SLC25A21: variants seen among roughly 807,000 people sequenced by gnomAD.
SLC25A21 encodes the protein mitochondrial 2-oxodicarboxylate carrier.
A neutral mutation model predicts 43.8 loss-of-function variants in SLC25A21; 47 were observed. The observed-to-expected ratio is 1.07, with a 90% CI of 0.85 to 1.37. The LOEUF is 1.37. Among genes scored for constraint, SLC25A21 ranks in the 40% most tolerant of loss-of-function variants. The probability of loss-of-function intolerance (pLI) is 0.00; values close to 1 mark genes in which losing one functional copy is unlikely to be tolerated. For synonymous variants in SLC25A21, 131 were observed against 121.3 expected, an observed-to-expected ratio of 1.08 and a Z score of -0.52; for missense variants, 352 against 350.2, an observed-to-expected ratio of 1.00 and a Z score of -0.04.
rs1891352621 is a variant in SLC25A21, at chr14:36,899,829, T to C, written c.71-24825A>G. ...AGATACTCTTAAAAGGGGATAATTGTGTTTTAAAATGGTGTTTTCTGGGGT... is the reference window on the plus strand; with the variant it reads ...AGATACTCTTAAAAGGGGATAATTGCGTTTTAAAATGGTGTTTTCTGGGGT... On this transcript the variant is annotated intron_variant, in intron 1 of 9. Transcript: ENST00000331299. Among the ~76,000 whole-genome samples, 4 of 152,210 alleles carry C rather than the reference T, an allele frequency of 2.6e-5. No individual in the cohort carries two copies. In the South Asian group the frequency reaches 8.3e-4, roughly 32 times the overall value.
At chr14:36,979,217 T>C (rs1425901280) in intron 1 of SLC25A21, among the ~76,000 whole-genome samples, 1 of 152,210 alleles carries the variant, frequency 6.6e-6, no homozygotes, top group Non-Finnish European at 1.5e-5. Context: ...ATGGGGTCTT[T>C]GCCTTGATAG....
Position 36,718,114 on chromosome 14 carries a change from T to C in SLC25A21, c.439-6632A>G, listed in dbSNP as rs149322133. Among the ~76,000 whole-genome samples, 1,035 of 152,260 alleles carry C rather than the reference T, an allele frequency of 6.8e-3. 17 individuals are homozygous for C. Among genetic ancestry groups the C allele is most frequent in the African/African-American group, 0.023 (976 of 41,560 alleles). ...GGCAACTTGCAGAGTGTCTGATATA[T>C]AGTAGATATTCTGTAAATGGTAGCT... On this transcript the variant is annotated intron_variant, in intron 6 of 9. Transcript: ENST00000331299.
intron 1 of SLC25A21, among the ~76,000 whole-genome samples, chr14:36,973,761 G>A (rs1959807643): frequency 6.6e-6 from 1 of 152,144 alleles, no homozygotes; most frequent in Non-Finnish European, 1.5e-5. Flanking sequence ...AAAGATCTAA[G>A]GAATAAAAGG....
intron 1 of SLC25A21, among the ~76,000 whole-genome samples, chr14:37,084,358 T>G (rs74407029): frequency 2.6e-5 from 4 of 152,176 alleles, no homozygotes; most frequent in Non-Finnish European, 5.9e-5. Context: ...GATGATGAAC[T>G]GGTGGTAGGG....
chr14:36,838,418 G>C (rs904330563), intron 2 of SLC25A21, among the ~76,000 whole-genome samples: 1 of 152,194 alleles, frequency 6.6e-6, no homozygotes. Flanking sequence ...CACTGCACCT[G>C]CTTTTCCTGT....
intron 3 of SLC25A21, among the ~76,000 whole-genome samples, chr14:36,773,115 A>G (rs1886684822): frequency 6.6e-6 from 1 of 152,030 alleles, no homozygotes; most frequent in South Asian, 2.1e-4. Flanking sequence ...ATTCTTGAGG[A>G]TTTCATGTTC....
chr14:36,841,192 T>C (rs1255128308), intron 2 of SLC25A21, among the ~76,000 whole-genome samples: 2 of 152,238 alleles, frequency 1.3e-5, no homozygotes, highest in Non-Finnish European at 2.9e-5. Context: ...GTCTGTCTCA[T>C]TAAGACATTA....
chr14:36,818,442 GTGTTGCATGAGCAA>G (rs1888525395), intron 2 of SLC25A21, among the ~76,000 whole-genome samples: 6 of 152,174 alleles, frequency 3.9e-5, no homozygotes, highest in Non-Finnish European at 7.3e-5. Flanking sequence ...TCCATAAACT[GTGTTGCATGAGCAA>G]TGCAAAAGGA....
chr14:36,800,617 G>A (rs1887838019), intron 3 of SLC25A21, among the ~76,000 whole-genome samples: 1 of 152,092 alleles, frequency 6.6e-6, no homozygotes, highest in South Asian at 2.1e-4. Context: ...TAAGGGTACA[G>A]ATTTTCTGTT....
At chr14:37,150,965 T>C (rs10483489) in intron 1 of SLC25A21, among the ~76,000 whole-genome samples, 18,721 of 152,044 alleles carry the variant, frequency 0.12, 1,315 homozygotes, top group South Asian at 0.29. Context: ...TTTGGCATAC[T>C]TGATGGTCGA....
At chr14:37,115,445 A>G (rs1046612181) in intron 1 of SLC25A21, among the ~76,000 whole-genome samples, 8 of 152,234 alleles carry the variant, frequency 5.3e-5, no homozygotes, top group African/African-American at 1.9e-4. Flanking sequence ...CGGCCCCTGC[A>G]TGGAAGACAC....
chr14:36,789,902 A>ATT (rs1887415076), intron 3 of SLC25A21, among the ~76,000 whole-genome samples: 1 of 122,724 alleles, frequency 8.1e-6, no homozygotes, highest in Non-Finnish European at 1.6e-5. Context: ...TATATTATAT[A>ATT]TATTTATATA....
intron 1 of SLC25A21, among the ~76,000 whole-genome samples, chr14:37,116,283 G>A (rs1269418119): frequency 3.9e-5 from 6 of 152,052 alleles, no homozygotes; most frequent in Admixed American, 1.3e-4. Flanking sequence ...TCCCACTCCG[G>A]GTAGATAATC....
At chr14:37,056,571 A>G (rs1253886864) in intron 1 of SLC25A21, among the ~76,000 whole-genome samples, 1 of 151,804 alleles carries the variant, frequency 6.6e-6, no homozygotes, top group African/African-American at 2.4e-5. Flanking sequence ...GCAGACACAC[A>G]CATCTCCATA....
At chr14:37,010,576 G>A (rs752359393) in intron 1 of SLC25A21, among the ~76,000 whole-genome samples, 1 of 152,196 alleles carries the variant, frequency 6.6e-6, no homozygotes, top group Non-Finnish European at 1.5e-5. Context: ...TTGGAGAGAA[G>A]TGTGACTTGG....
chr14:36,868,425 G>A (rs907544943), intron 2 of SLC25A21, among the ~76,000 whole-genome samples: 3 of 152,078 alleles, frequency 2.0e-5, no homozygotes, highest in Non-Finnish European at 4.4e-5. Flanking sequence ...AAATTAGCTG[G>A]GGACCCTTAG....
intron 1 of SLC25A21, among the ~76,000 whole-genome samples, chr14:37,055,429 A>G (rs1335276556): frequency 6.6e-6 from 1 of 152,196 alleles, no homozygotes; most frequent in African/African-American, 2.4e-5. Context: ...GAAAGGTGGA[A>G]TCCCATTTCC....
chr14:37,003,377 G>A (rs1594747390), intron 1 of SLC25A21, among the ~76,000 whole-genome samples: 1 of 152,128 alleles, frequency 6.6e-6, no homozygotes, highest in Admixed American at 6.5e-5. Flanking sequence ...CTTATGAATT[G>A]TTTATTTCTG....
intron 1 of SLC25A21, among the ~76,000 whole-genome samples, chr14:37,106,093 C>G (rs187674628): frequency 6.6e-6 from 1 of 152,008 alleles, no homozygotes; most frequent in African/African-American, 2.4e-5. Flanking sequence ...CTCAGGACCA[C>G]TGTGATAATT....
Sources: allele counts gnomAD v4.1 joint callset (sites outside exome capture counted in the v4.1 genomes callset), GRCh38; gene constraint gnomAD v4.1.1; transcripts MANE v1.5; gene names NCBI Gene and HGNC (gene_info 2026-07-23, HGNC 2026-07-21).